The following JADE1 variants were observed in gnomAD, a reference collection of about 807,000 sequenced individuals.
JADE1 encodes protein Jade-1.
Under a neutral mutation model 81.8 loss-of-function variants are expected in JADE1, and 14 were observed. The observed-to-expected ratio is 0.17, with a 90% CI of 0.11 to 0.27. The LOEUF (loss-of-function observed/expected upper bound fraction) is 0.27, where lower values mean the gene tolerates loss of function less well. Ranked by LOEUF, JADE1 falls within the 10% of genes least tolerant of loss-of-function variation. JADE1 has a pLI of 1.00. For missense variants in JADE1, 690 were observed against 1,047.9 expected (o/e 0.66, Z 4.71); for synonymous variants, 353 against 391.9 (o/e 0.90, Z 1.17).
chr4:128,862,883 C>A (rs1579233074), intron 9 of JADE1: 3 of 982,344 alleles, frequency 3.1e-6, no homozygotes, highest in Non-Finnish European at 3.6e-6. Flanking sequence ...GGTGCTAAGT[C>A]ATCACTGAGG....
chr4:128,861,681 T>C, intron 8 of JADE1, 23 bp from the exon 9 acceptor site: 1 of 1,610,336 alleles, frequency 6.2e-7, no homozygotes, highest in Non-Finnish European at 8.5e-7. Context: ...TCTATTCTCA[T>C]GTTCTTTGTG....
chr4:128,818,212 C>G (rs1049045156), intron 1 of JADE1, among the ~76,000 whole-genome samples: 4 of 151,934 alleles, frequency 2.6e-5, no homozygotes, highest in South Asian at 2.1e-4. Context: ...CGTCTGTCTC[C>G]TGGGTTCAAG....
intron 9 of JADE1, chr4:128,862,469 A>G: frequency 7.2e-7 from 1 of 1,379,452 alleles, no homozygotes; most frequent in Non-Finnish European, 9.4e-7. Context: ...CTTTCCCATT[A>G]ATCTTTACTG....
intron 1 of JADE1, among the ~76,000 whole-genome samples, chr4:128,817,112 G>T (rs1400526475): frequency 1.3e-5 from 2 of 152,008 alleles, no homozygotes; most frequent in African/African-American, 2.4e-5. Flanking sequence ...ACCTACCTCG[G>T]CCTCCCAAAG....
intron 1 of JADE1, among the ~76,000 whole-genome samples, chr4:128,820,201 T>A (rs1420277987): frequency 6.6e-6 from 1 of 152,074 alleles, no homozygotes; most frequent in Non-Finnish European, 1.5e-5. Flanking sequence ...AACCTCCATC[T>A]CCTGGGTTCA....
At chr4:128,822,146 G>C (rs1227345315) in intron 1 of JADE1, among the ~76,000 whole-genome samples, 1 of 152,162 alleles carries the variant, frequency 6.6e-6, no homozygotes. Flanking sequence ...CTGGTGCTTT[G>C]CACTGGGGCA....
chr4:128,852,032 G>T, intron 5 of JADE1, 25 bp from the exon 6 acceptor site: 1 of 1,470,406 alleles, frequency 6.8e-7, no homozygotes. Flanking sequence ...TATTAAAATG[G>T]GTTTTGTGGC....
At chr4:128,843,873 G>A (rs1230173492) in intron 3 of JADE1, among the ~76,000 whole-genome samples, 1 of 152,150 alleles carries the variant, frequency 6.6e-6, no homozygotes, top group Non-Finnish European at 1.5e-5. Context: ...ACGTCAGAAG[G>A]CTGCCCTGCT....
At chr4:128,853,556 C>T (rs1187331738) in intron 6 of JADE1, among the ~76,000 whole-genome samples, 1 of 152,082 alleles carries the variant, frequency 6.6e-6, no homozygotes, top group East Asian at 1.9e-4. Context: ...AATCTCAGTG[C>T]CTCTTTTTTA....
At chr4:128,836,743 T>TG in intron 2 of JADE1, among the ~76,000 whole-genome samples, 1 of 151,308 alleles carries the variant, frequency 6.6e-6, no homozygotes, top group South Asian at 2.1e-4. Flanking sequence ...CACTGTTTTT[T>TG]TTTTTTTTTT....
intron 4 of JADE1, among the ~76,000 whole-genome samples, chr4:128,847,038 TG>T (rs1209823591): frequency 6.6e-6 from 1 of 152,220 alleles, no homozygotes; most frequent in African/African-American, 2.4e-5. Flanking sequence ...AGGGGAGTTT[TG>T]GAGGGATTTA....
intron 2 of JADE1, among the ~76,000 whole-genome samples, chr4:128,837,550 C>A (rs372527777): frequency 2.6e-5 from 4 of 152,176 alleles, no homozygotes; most frequent in East Asian, 1.9e-4. Flanking sequence ...AGATGCTTGT[C>A]TTCTGTCATG....
chr4:128,852,305 G>T, intron 6 of JADE1, 37 bp downstream of exon 6: 1 of 1,559,420 alleles, frequency 6.4e-7, no homozygotes, highest in South Asian at 1.1e-5. Flanking sequence ...AAGAAACCTG[G>T]GGCATGAGCC....
intron 9 of JADE1, chr4:128,863,148 A>G (rs1204261391): frequency 3.0e-6 from 3 of 985,166 alleles, no homozygotes; most frequent in Non-Finnish European, 2.4e-6. Flanking sequence ...CCCACTTTCC[A>G]TCACCTCTGG....
intron 1 of JADE1, among the ~76,000 whole-genome samples, chr4:128,816,826 A>C (rs1727076825): frequency 6.6e-6 from 1 of 151,976 alleles, no homozygotes. Context: ...TTAATTTTTA[A>C]AACCTTAGAT....
chr4:128,857,283 A>T (rs891454160), intron 7 of JADE1, 55 bp from the exon 8 acceptor site: 5 of 1,293,042 alleles, frequency 3.9e-6, no homozygotes, highest in African/African-American at 1.5e-5. Context: ...TCTGACATTC[A>T]TGTTCAGCCT....
rs760605634 is a variant in JADE1, at chr4:128,833,849, C to T, written c.52+2039C>T. On this transcript the variant is annotated intron_variant, in intron 2 of 10. Coordinates refer to ENST00000226319, the MANE Select transcript of JADE1 (RefSeq NM_199320.4). ...GGTGTATGCTCACTCTGTCTGCTCT[C>T]GTCACTGCCTCTCTTCTTTGGGAGA... Among the ~76,000 whole-genome samples the T allele has an allele frequency of 4.6e-5, 7 of 152,302 alleles. No homozygotes were observed. In the East Asian group the frequency reaches 5.8e-4, roughly 13 times the overall value.
chr4:128,842,457 G>C (rs1350305090), intron 2 of JADE1, among the ~76,000 whole-genome samples: 10 of 151,988 alleles, frequency 6.6e-5, no homozygotes, highest in Non-Finnish European at 1.3e-4. Context: ...CTGCCACCAC[G>C]CGAAGCTAAT....
Position 128,849,063 on chromosome 4 carries a change from G to A in JADE1, c.380G>A (p.Gly127Asp), listed in dbSNP as rs1730120957. 6.2e-7 allele frequency: 1 copy of A among 1,614,062 alleles called. No homozygotes were observed. The highest frequency in any genetic ancestry group is 8.5e-7 in the Non-Finnish European group (1 of 1,180,038). ...VSSGSEPPELGYVDIRTLADS... is the reference protein window; with the variant it reads ...VSSGSEPPELDYVDIRTLADS... ...TCAGGCTCTGAGCCTCCCGAGTTGGGCTATGTGGACATCCGGACGCTGGCT... is the reference window on the plus strand; with the variant it reads ...TCAGGCTCTGAGCCTCCCGAGTTGGACTATGTGGACATCCGGACGCTGGCT... Residue 127 changes from glycine to aspartate, a missense_variant, in exon 5 of 11, where the codon GGC becomes GAC. Transcript: ENST00000226319.
Sources: allele counts gnomAD v4.1 joint callset (sites outside exome capture counted in the v4.1 genomes callset), GRCh38; gene constraint gnomAD v4.1.1; transcripts MANE v1.5; gene names NCBI Gene and HGNC (gene_info 2026-07-23, HGNC 2026-07-21).